DIS3L2: variants seen among roughly 807,000 people sequenced by gnomAD.
DIS3L2 encodes the protein DIS3-like exonuclease 2.
A neutral mutation model predicts 97.5 loss-of-function variants in DIS3L2; 34 were observed. That is an observed-to-expected ratio of 0.35 (90% confidence interval 0.27 to 0.46). The LOEUF (loss-of-function observed/expected upper bound fraction) is 0.46, where lower values mean the gene tolerates loss of function less well. Ranked by LOEUF, DIS3L2 falls within the 20% of genes least tolerant of loss-of-function variation. The pLI, the probability that DIS3L2 is intolerant of heterozygous loss-of-function variation, is 1.00. For synonymous variants in DIS3L2, 435 were observed against 445.2 expected (o/e 0.98, Z 0.29); for missense variants, 1,038 against 1,146.0 (o/e 0.91, Z 1.36).
intron 1 of DIS3L2, among the ~76,000 whole-genome samples, chr2:231,966,680 A>G (rs1389285134): frequency 1.4e-4 from 8 of 57,060 alleles, no homozygotes; most frequent in East Asian, 5.7e-4. Context: ...TTTTTTGTGG[A>G]GACAGGGTCT....
intron 14 of DIS3L2, among the ~76,000 whole-genome samples, chr2:232,312,798 T>C (rs1303840553): frequency 6.6e-6 from 1 of 152,230 alleles, no homozygotes; most frequent in African/African-American, 2.4e-5. Context: ...GAGATCTTGC[T>C]CATGTTTCAT....
At chr2:232,333,495 A>G (rs1695832019) in intron 16 of DIS3L2, among the ~76,000 whole-genome samples, 1 of 152,124 alleles carries the variant, frequency 6.6e-6, no homozygotes, top group African/African-American at 2.4e-5. Flanking sequence ...CCCTGACAGC[A>G]TCCTGGGGGT....
intron 12 of DIS3L2, among the ~76,000 whole-genome samples, chr2:232,256,841 G>A (rs555256762): frequency 4.3e-4 from 66 of 152,204 alleles, no homozygotes; most frequent in African/African-American, 1.3e-3. Flanking sequence ...TATTTGGCTG[G>A]GCATGGTGGC....
chr2:232,334,029 C>T, intron 17 of DIS3L2, 42 bp downstream of exon 17: 2 of 1,572,540 alleles, frequency 1.3e-6, no homozygotes, highest in South Asian at 1.2e-5. Flanking sequence ...TGGGCCAGCT[C>T]AGGGCTGCCC....
chr2:232,241,726 CACA>C (rs781310763), intron 11 of DIS3L2, among the ~76,000 whole-genome samples: 4 of 152,178 alleles, frequency 2.6e-5, no homozygotes, highest in Non-Finnish European at 5.9e-5. Flanking sequence ...CTCAGAAGGA[CACA>C]ACATTTGCTC....
At position 231,966,641 on chromosome 2, in the gene DIS3L2, ATTTTTTTTTTTTTTTTT is replaced by A. The variant is rs36151054; in HGVS notation, c.-94+4894_-94+4910del. Among the ~76,000 whole-genome samples the A allele has an allele frequency of 7.0e-3, 354 of 50,472 alleles. 3 individuals carry two copies. Among genetic ancestry groups the A allele is most frequent in the Middle Eastern group, 0.06 (3 of 50 alleles). 33.1% of individuals were successfully genotyped at this position (50,472 alleles called of 152,430 possible). The stretch of plus-strand genomic sequence containing the variant: ...CACCATGCCCAGCTAGTTAAAAAAC[ATTTTTTTTTTTTTTTTT>A]TTTTTTTTTTTTTTTTTGTGGAGAC... On this transcript the variant is annotated intron_variant, in intron 1 of 20. Transcript: ENST00000325385.
chr2:232,117,187 A>G (rs572514854), intron 6 of DIS3L2, among the ~76,000 whole-genome samples: 1 of 152,098 alleles, frequency 6.6e-6, no homozygotes, highest in African/African-American at 2.4e-5. Flanking sequence ...ACCCTGGTGT[A>G]GTGGGGCCAG....
At chr2:232,054,064 G>A (rs1382788845) in intron 5 of DIS3L2, among the ~76,000 whole-genome samples, 1 of 152,172 alleles carries the variant, frequency 6.6e-6, no homozygotes, top group Admixed American at 6.5e-5. Flanking sequence ...AACAAAAGAT[G>A]CTCCTCTCAC....
intron 10 of DIS3L2, among the ~76,000 whole-genome samples, chr2:232,232,952 G>A (rs1692835157): frequency 1.3e-5 from 2 of 152,186 alleles, no homozygotes; most frequent in Non-Finnish European, 1.5e-5. Flanking sequence ...CAGACATGGA[G>A]CTTAGACACC....
intron 1 of DIS3L2, among the ~76,000 whole-genome samples, chr2:231,979,665 C>T (rs1486362578): frequency 6.6e-6 from 1 of 151,378 alleles, no homozygotes; most frequent in Non-Finnish European, 1.5e-5. Flanking sequence ...GCAACCTCTG[C>T]CTCCTGGGTT....
At chr2:232,118,303 G>T (rs1182892100) in intron 6 of DIS3L2, among the ~76,000 whole-genome samples, 1 of 152,188 alleles carries the variant, frequency 6.6e-6, no homozygotes, top group Non-Finnish European at 1.5e-5. Flanking sequence ...ATCATACAGG[G>T]CATGAAGACC....
chr2:232,188,463 G>A (rs191353268), intron 9 of DIS3L2, among the ~76,000 whole-genome samples: 7 of 152,282 alleles, frequency 4.6e-5, no homozygotes, highest in African/African-American at 1.2e-4. Flanking sequence ...AGGAGCAAAC[G>A]CAGTTCAATG....
intron 14 of DIS3L2, among the ~76,000 whole-genome samples, chr2:232,327,285 T>C (rs1274333738): frequency 1.3e-5 from 2 of 152,348 alleles, no homozygotes; most frequent in East Asian, 3.9e-4. Flanking sequence ...TGCCTCCTGC[T>C]GGCCACACTG....
chr2:232,258,976 T>C (rs986809987), intron 12 of DIS3L2, among the ~76,000 whole-genome samples: 3 of 152,176 alleles, frequency 2.0e-5, no homozygotes, highest in African/African-American at 7.2e-5. Context: ...CATTTTTTAG[T>C]ACATGTCAGG....
chr2:232,008,083 G>T (rs1238916350), intron 1 of DIS3L2, among the ~76,000 whole-genome samples: 1 of 151,914 alleles, frequency 6.6e-6, no homozygotes, highest in East Asian at 1.9e-4. Context: ...CACAGCTCAC[G>T]CTCACTACAG....
At chr2:232,283,765 G>T (rs1342310575) in intron 13 of DIS3L2, among the ~76,000 whole-genome samples, 1 of 152,192 alleles carries the variant, frequency 6.6e-6, no homozygotes, top group Non-Finnish European at 1.5e-5. Flanking sequence ...CAGGTAGGTA[G>T]TTGCCAGGAG....
intron 5 of DIS3L2, among the ~76,000 whole-genome samples, chr2:232,055,789 A>G (rs372679243): frequency 1.3e-5 from 2 of 152,190 alleles, no homozygotes; most frequent in Admixed American, 6.5e-5. Flanking sequence ...AAGCTAGTGA[A>G]TGGGATAGAA....
At chr2:232,042,835 C>A (rs1695145538) in intron 5 of DIS3L2, among the ~76,000 whole-genome samples, 1 of 152,088 alleles carries the variant, frequency 6.6e-6, no homozygotes. Flanking sequence ...TGGTGAAAAC[C>A]ACATTCATTG....
chr2:232,135,196 G>A (rs887557938), intron 7 of DIS3L2, among the ~76,000 whole-genome samples: 1 of 152,154 alleles, frequency 6.6e-6, no homozygotes, highest in Non-Finnish European at 1.5e-5. Context: ...TTACTCACCT[G>A]GATGGACGTG....
Sources: gnomAD v4.1 joint callset for allele counts (sites outside exome capture counted in the v4.1 genomes callset) on GRCh38, gnomAD v4.1.1 for gene constraint, MANE v1.5 for transcripts, NCBI Gene and HGNC (gene_info 2026-07-23, HGNC 2026-07-21) for gene names.